Variants in PIKFYVE observed in about 807,000 individuals in gnomAD.
PIKFYVE encodes the protein phosphoinositide kinase, FYVE-type zinc finger containing.
PIKFYVE carries 122 observed loss-of-function variants against 257.9 expected under a neutral mutation model. That is an observed-to-expected ratio of 0.47 (90% CI 0.41 to 0.55). PIKFYVE has a LOEUF of 0.55. PIKFYVE is among the 20% of genes least tolerant of loss of function. The pLI, the probability that PIKFYVE is intolerant of heterozygous loss-of-function variation, is 0.00. For missense variants in PIKFYVE, 2,160 were observed against 2,536.6 expected (o/e 0.85, Z 3.19); for synonymous variants, 892 against 868.9 (o/e 1.03, Z -0.47).
intron 7 of PIKFYVE, among the ~76,000 whole-genome samples, chr2:208,289,946 T>C (rs902953432): frequency 3.3e-5 from 5 of 152,190 alleles, no homozygotes; most frequent in Non-Finnish European, 5.9e-5. Flanking sequence ...CATTATCCTT[T>C]ATATATTTTT....
chr2:208,273,535 T>A, intron 2 of PIKFYVE, 49 bp from the exon 3 acceptor site: 1 of 1,611,482 alleles, frequency 6.2e-7, no homozygotes, highest in South Asian at 1.1e-5. Flanking sequence ...TTCCTTCTCA[T>A]TGCTGAACTC....
At position 208,277,745 on chromosome 2, in the gene PIKFYVE, G is replaced by T. The variant is rs201480078; in HGVS notation, c.613+37G>T. The T allele has an allele frequency of 9.8e-4, 1,568 of 1,602,774 alleles. 4 individuals are homozygous for T. Among genetic ancestry groups the T allele is most frequent in the Middle Eastern group, 2.2e-3 (13 of 6,042 alleles). The stretch of plus-strand genomic sequence containing the variant: ...TTATTGCCAGTTTACAATTTTTAAA[G>T]GTCATAACTATAAGACACTTATAAT... On this transcript the variant is annotated intron_variant, in intron 5 of 41. Transcript: ENST00000264380.
chr2:208,268,423 C>CTT lies in PIKFYVE; in HGVS notation c.-10+2029_-10+2030dup, dbSNP rs35632672. ...CACATTATCGTTTCTCTCCAGAGCT[C>CTT]TTTTTTTTTTTTTTTTTTTTTTCCC... On this transcript the variant is annotated intron_variant, in intron 1 of 41. Transcript: ENST00000264380. 4.3e-3 allele frequency among the ~76,000 whole-genome samples: 336 copies of CTT among 78,662 alleles called. 2 individuals carry two copies. Among genetic ancestry groups the CTT allele is most frequent in the African/African-American group, 0.014 (314 of 21,972 alleles). 51.6% of individuals were successfully genotyped at this position (78,662 alleles called of 152,430 possible). A position where few individuals can be genotyped will look rare whatever the true frequency, so the allele number is the denominator to read the frequency against.
Position 208,315,203 on chromosome 2 carries a change from C to G in PIKFYVE, c.1837C>G (p.His613Asp). The G allele has an allele frequency of 6.2e-7, 1 of 1,613,572 alleles. No homozygotes were observed. The highest frequency in any genetic ancestry group is 8.5e-7 in the Non-Finnish European group (1 of 1,179,550). Residue 613 changes from histidine (H) to aspartate (D), a missense_variant, in exon 15 of 42, where the codon CAT (histidine) becomes GAT (aspartate). Physicochemically the swap from His to Asp is moderately conservative, Grantham distance 81. Transcript: ENST00000264380. Reference sequence around the variant, plus strand: ...ATAATATTTTTGTAGTTCAGCTAATCATAACCACATGATGGCACTACTCCA... The same window carrying G: ...ATAATATTTTTGTAGTTCAGCTAATGATAACCACATGATGGCACTACTCCA... ...QAMERLLSAN[H>D]NHMMALLQQL...
intron 5 of PIKFYVE, among the ~76,000 whole-genome samples, chr2:208,279,377 T>C (rs1690516335): frequency 6.6e-6 from 1 of 152,236 alleles, no homozygotes; most frequent in African/African-American, 2.4e-5. Flanking sequence ...ATAGTATCTT[T>C]TGCCATGCAG....
chr2:208,297,369 A>C (rs4675748), intron 7 of PIKFYVE, among the ~76,000 whole-genome samples: 112,926 of 152,122 alleles, frequency 0.74, 44,159 homozygotes, highest in East Asian at 0.93. Context: ...CAAGAAATAA[A>C]TAACCAATTA....
intron 13 of PIKFYVE, among the ~76,000 whole-genome samples, chr2:208,313,573 A>C (rs1574575459): frequency 6.8e-6 from 1 of 146,190 alleles, no homozygotes; most frequent in East Asian, 2.0e-4. Context: ...TGCAGTTTTC[A>C]GTTTGTGATT....
intron 21 of PIKFYVE, among the ~76,000 whole-genome samples, chr2:208,329,471 T>C (rs1276942963): frequency 6.6e-6 from 1 of 152,216 alleles, no homozygotes; most frequent in East Asian, 1.9e-4. Context: ...CTGTTTTCCA[T>C]GCTCAGTAAA....
intron 20 of PIKFYVE, among the ~76,000 whole-genome samples, chr2:208,327,890 A>AT (rs1697116257): frequency 6.6e-6 from 1 of 152,166 alleles, no homozygotes; most frequent in Non-Finnish European, 1.5e-5. Context: ...TATTTAATTA[A>AT]TTTTTTTCCA....
intron 6 of PIKFYVE, 73 bp from the exon 7 acceptor site, chr2:208,288,656 A>G (rs1691895849): frequency 6.3e-7 from 1 of 1,588,700 alleles, no homozygotes; most frequent in Non-Finnish European, 8.6e-7. Context: ...TCTGCTTTTA[A>G]TGTTAAAGCG....
chr2:208,275,640 T>A (rs893771847), intron 3 of PIKFYVE, among the ~76,000 whole-genome samples: 3 of 152,252 alleles, frequency 2.0e-5, no homozygotes, highest in African/African-American at 7.2e-5. Context: ...TTACATTATC[T>A]TGGGAAATTC....
Position 208,357,181 on chromosome 2 carries a change from A to T in PIKFYVE, c.*1876A>T, listed in dbSNP as rs1700205763. 1 of 152,246 alleles carries T rather than the reference A, an allele frequency of 6.6e-6. No homozygotes were observed. Among genetic ancestry groups the T allele is most frequent in the South Asian group, 2.1e-4 (1 of 4,836 alleles). The allele number at this position is 152,246 out of a possible 1,614,324, so 9.4% of individuals were successfully genotyped here. ...CTATTAAAGGAGCTGTACAGAGGTA[A>T]AAAAATAAATGTGGAACATTATTAA... is the stretch of plus-strand genomic sequence containing the variant. On this transcript the variant is annotated 3_prime_UTR_variant, in exon 42 of 42. Coordinates refer to ENST00000264380, the MANE Select transcript of PIKFYVE (RefSeq NM_015040.4).
At chr2:208,330,436 A>G in intron 22 of PIKFYVE, 87 bp from the exon 23 acceptor site, 1 of 1,485,872 alleles carries the variant, frequency 6.7e-7, no homozygotes, top group Non-Finnish European at 9.4e-7. Context: ...CCTTGTGCAG[A>G]TTGTTCACTA....
At chr2:208,298,843 GTC>G in intron 8 of PIKFYVE, 64 bp downstream of exon 8, 2 of 1,593,976 alleles carry the variant, frequency 1.3e-6, no homozygotes, top group Non-Finnish European at 1.7e-6. Context: ...ATGTGACTGA[GTC>G]TTTTTTTTTC....
At chr2:208,274,023 AAC>A (rs1422829818) in intron 3 of PIKFYVE, 1 of 1,612,058 alleles carries the variant, frequency 6.2e-7, no homozygotes, top group Non-Finnish European at 8.5e-7. Context: ...TTCAGCAGAC[AAC>A]AGTTTGCAAC....
intron 17 of PIKFYVE, among the ~76,000 whole-genome samples, chr2:208,323,715 C>T (rs1696581871): frequency 6.6e-6 from 1 of 152,234 alleles, no homozygotes; most frequent in African/African-American, 2.4e-5. Context: ...AACTAGTTTA[C>T]AGTCCCACCA....
chr2:208,322,420 G>T (rs1415763219), intron 17 of PIKFYVE, among the ~76,000 whole-genome samples: 1 of 145,274 alleles, frequency 6.9e-6, no homozygotes, highest in African/African-American at 2.5e-5. Flanking sequence ...CTTTTATTTT[G>T]GGAGTTGTGA....
intron 7 of PIKFYVE, among the ~76,000 whole-genome samples, chr2:208,293,105 C>T (rs1692522638): frequency 3.4e-5 from 5 of 149,120 alleles, no homozygotes; most frequent in Admixed American, 3.3e-4. Context: ...TAATGATTGC[C>T]CTAGAGTTTG....
intron 5 of PIKFYVE, among the ~76,000 whole-genome samples, chr2:208,279,456 A>G (rs1690529040): frequency 6.6e-6 from 1 of 152,156 alleles, no homozygotes; most frequent in Non-Finnish European, 1.5e-5. Context: ...TTGAGGACTT[A>G]GTCATAAATT....
Sources: gnomAD v4.1 joint callset for allele counts (sites outside exome capture counted in the v4.1 genomes callset) on GRCh38, gnomAD v4.1.1 for gene constraint, MANE v1.5 for transcripts, NCBI Gene and HGNC (gene_info 2026-07-23, HGNC 2026-07-21) for gene names.